The following CEP128 variants were observed in gnomAD, a reference collection of about 807,000 sequenced individuals.
CEP128 encodes the protein centrosomal protein 128kDa.
A neutral mutation model predicts 156.7 loss-of-function variants in CEP128; 132 were observed. That is an observed-to-expected ratio of 0.84 (90% CI 0.73 to 0.97). The LOEUF (loss-of-function observed/expected upper bound fraction) is 0.97. Ranked by LOEUF, CEP128 falls within the 50% of genes least tolerant of loss-of-function variation. The pLI is 0.00. For missense variants in CEP128, 1,252 were observed against 1,281.9 expected, an observed-to-expected ratio of 0.98 and a Z score of 0.36; for synonymous variants, 469 against 448.9, an observed-to-expected ratio of 1.04 and a Z score of -0.57.
intron 23 of CEP128, among the ~76,000 whole-genome samples, chr14:80,517,938 A>G (rs1888566409): frequency 6.6e-6 from 1 of 152,092 alleles, no homozygotes; most frequent in Non-Finnish European, 1.5e-5. Context: ...ACACCCTGCC[A>G]GATCCAGAGG....
chr14:80,930,418 G>A (rs905588751), intron 2 of CEP128, among the ~76,000 whole-genome samples: 40 of 152,010 alleles, frequency 2.6e-4, no homozygotes, highest in African/African-American at 7.7e-4. Context: ...TGGTAAGCCC[G>A]CAAGCTACCC....
At chr14:80,604,752 C>T (rs1363303716) in intron 19 of CEP128, among the ~76,000 whole-genome samples, 1 of 152,006 alleles carries the variant, frequency 6.6e-6, no homozygotes, top group East Asian at 1.9e-4. Flanking sequence ...TTGGATCTAC[C>T]ACTATATTCA....
chr14:80,823,353 C>T (rs1045232965), intron 13 of CEP128, among the ~76,000 whole-genome samples: 1 of 152,174 alleles, frequency 6.6e-6, no homozygotes, highest in Non-Finnish European at 1.5e-5. Context: ...AAGTCAGGGT[C>T]GGCTTGTGAA....
chr14:80,607,356 A>G (rs1892825347), intron 19 of CEP128, among the ~76,000 whole-genome samples: 1 of 152,182 alleles, frequency 6.6e-6, no homozygotes, highest in African/African-American at 2.4e-5. Flanking sequence ...TGAGAAACAA[A>G]AGCGAATGTA....
chr14:80,512,305 C>G (rs770829917), intron 23 of CEP128, among the ~76,000 whole-genome samples: 2 of 151,946 alleles, frequency 1.3e-5, no homozygotes, highest in South Asian at 4.1e-4. Context: ...CCTGAATGCA[C>G]CCCTTTATCA....
intron 13 of CEP128, among the ~76,000 whole-genome samples, chr14:80,794,522 TA>T (rs1475472267): frequency 6.6e-6 from 1 of 152,144 alleles, no homozygotes; most frequent in East Asian, 1.9e-4. Flanking sequence ...CTTTTGCTCT[TA>T]TTCTAAAAGT....
chr14:80,718,361 G>A (rs1897687376), intron 19 of CEP128, among the ~76,000 whole-genome samples: 1 of 152,090 alleles, frequency 6.6e-6, no homozygotes, highest in African/African-American at 2.4e-5. Flanking sequence ...CTTTCAAAGT[G>A]GTGACTCAGA....
chr14:80,548,090 G>A (rs879915765), intron 21 of CEP128, among the ~76,000 whole-genome samples: 1 of 151,948 alleles, frequency 6.6e-6, no homozygotes, highest in Non-Finnish European at 1.5e-5. Flanking sequence ...GTGAGCCACT[G>A]CGCCCAGCTG....
At chr14:80,569,009 A>G (rs1159465831) in intron 20 of CEP128, among the ~76,000 whole-genome samples, 1 of 152,224 alleles carries the variant, frequency 6.6e-6, no homozygotes, top group Non-Finnish European at 1.5e-5. Context: ...TCTGACTAGC[A>G]TCTTCCCAAG....
intron 18 of CEP128, among the ~76,000 whole-genome samples, chr14:80,755,805 C>G (rs1262855316): frequency 6.6e-6 from 1 of 152,148 alleles, no homozygotes; most frequent in Non-Finnish European, 1.5e-5. Flanking sequence ...TCAATTCCCC[C>G]TTAGTCAGTT....
chr14:80,499,671 T>A (rs1035442359), intron 24 of CEP128, among the ~76,000 whole-genome samples: 3 of 152,146 alleles, frequency 2.0e-5, no homozygotes, highest in Admixed American at 6.6e-5. Flanking sequence ...ATTTTAGTCT[T>A]AAAAAACTAG....
Position 80,687,688 on chromosome 14 carries a change from T to C in CEP128, c.2806+55387A>G, listed in dbSNP as rs547820830. On this transcript the variant is annotated intron_variant, in intron 19 of 24. Coordinates refer to ENST00000555265, the MANE Select transcript of CEP128 (RefSeq NM_152446.5). ...TCCCAAACGTCAGCATCATGCAATA[T>C]AGCCATGCAATAAAAGGGCATATGT... Among the ~76,000 whole-genome samples the C allele has an allele frequency of 3.9e-5, 6 of 152,202 alleles. 1 individual carries two copies. Among genetic ancestry groups the C allele is most frequent in the African/African-American group, 1.4e-4 (6 of 41,548 alleles).
intron 23 of CEP128, among the ~76,000 whole-genome samples, chr14:80,522,286 G>A (rs1888779783): frequency 6.6e-6 from 1 of 152,222 alleles, no homozygotes; most frequent in Admixed American, 6.5e-5. Context: ...ATTAATTGCT[G>A]TGAGCAAGGT....
chr14:80,644,575 A>G (rs906232811), intron 19 of CEP128, among the ~76,000 whole-genome samples: 3 of 152,240 alleles, frequency 2.0e-5, no homozygotes, highest in African/African-American at 7.2e-5. Context: ...ATACAGAATA[A>G]TGAGAAATCA....
chr14:80,572,797 T>C (rs1891199485), intron 20 of CEP128, among the ~76,000 whole-genome samples: 1 of 152,184 alleles, frequency 6.6e-6, no homozygotes, highest in Non-Finnish European at 1.5e-5. Flanking sequence ...AGCCAAGGTA[T>C]GTTTTCTGGA....
At chr14:80,878,531 T>C (rs1888386910) in intron 8 of CEP128, among the ~76,000 whole-genome samples, 2 of 152,210 alleles carry the variant, frequency 1.3e-5, no homozygotes, top group South Asian at 4.1e-4. Flanking sequence ...CACCACTGCA[T>C]GGTTCCTCAT....
At chr14:80,557,842 T>C (rs986374231) in intron 21 of CEP128, among the ~76,000 whole-genome samples, 6 of 151,930 alleles carry the variant, frequency 3.9e-5, no homozygotes, top group African/African-American at 1.4e-4. Context: ...GTTAAAAATA[T>C]AAAAAGAAAA....
chr14:80,596,546 T>A (rs1892327672), intron 19 of CEP128, among the ~76,000 whole-genome samples: 1 of 152,148 alleles, frequency 6.6e-6, no homozygotes, highest in Non-Finnish European at 1.5e-5. Context: ...CAGTGGCTCA[T>A]GCCTGTGATC....
At chr14:80,955,352 G>C (rs537891500) in intron 2 of CEP128, 16 of 474,248 alleles carry the variant, frequency 3.4e-5, no homozygotes, top group East Asian at 1.9e-4. Context: ...CGCCCGGGGT[G>C]GGGGGGCGGG....
Sources: allele counts gnomAD v4.1 joint callset (sites outside exome capture counted in the v4.1 genomes callset), GRCh38; gene constraint gnomAD v4.1.1; transcripts MANE v1.5; gene names NCBI Gene and HGNC (gene_info 2026-07-23, HGNC 2026-07-21).